Variants in RAI2 observed in about 807,000 individuals in gnomAD.
RAI2 encodes retinoic acid-induced protein 2.
Under a neutral mutation model 15.3 loss-of-function variants are expected in RAI2, and 5 were observed. The ratio of observed to expected loss-of-function variants is 0.33; its 90% confidence interval spans 0.17 to 0.69. RAI2 has a LOEUF of 0.69. RAI2 is among the 30% of genes least tolerant of loss of function. RAI2 has a pLI of 0.69. For missense variants in RAI2, 424 were observed against 424.7 expected (o/e 1.00, Z 0.01); for synonymous variants, 191 against 184.0 (o/e 1.04, Z -0.31).
intron 1 of RAI2, among the ~76,000 whole-genome samples, chrX:17,846,852 A>T (rs1208133611): frequency 8.9e-6 from 1 of 112,093 alleles, no homozygotes; most frequent in African/African-American, 3.2e-5. Context: ...CTCACCTTGA[A>T]TTGTAATAAT....
chrX:17,804,824 A>T (rs1407490132), intron 1 of RAI2, among the ~76,000 whole-genome samples: 1 of 112,497 alleles, frequency 8.9e-6, no homozygotes, highest in African/African-American at 3.2e-5. Context: ...CTTAGGTACC[A>T]GTTCTCATCA....
chrX:17,847,498 GA>G (rs1247023047), intron 1 of RAI2, among the ~76,000 whole-genome samples: 5 of 113,079 alleles, frequency 4.4e-5, no homozygotes, highest in Non-Finnish European at 7.5e-5. Flanking sequence ...TCATCACTCA[GA>G]ACTGGCCCTT....
At chrX:17,835,815 C>T (rs907202521) in intron 1 of RAI2, among the ~76,000 whole-genome samples, 9 of 112,115 alleles carry the variant, frequency 8.0e-5, no homozygotes, top group African/African-American at 2.9e-4. Context: ...AAAGATTCAT[C>T]CTGGAATTCT....
chrX:17,856,541 G>C (rs995424761), intron 1 of RAI2, among the ~76,000 whole-genome samples: 1 of 112,479 alleles, frequency 8.9e-6, no homozygotes, highest in Non-Finnish European at 1.9e-5. Context: ...CCAGAACGGT[G>C]AGAAATATGT....
At chrX:17,825,074 A>C (rs1319878644) in intron 1 of RAI2, among the ~76,000 whole-genome samples, 2 of 112,556 alleles carry the variant, frequency 1.8e-5, no homozygotes, top group Admixed American at 9.4e-5. Context: ...AGAAAATAGA[A>C]TCATCATTCC....
In RAI2 at chrX:17,802,002, G is replaced by A. The variant is rs144316880; in HGVS notation, c.9C>T (p.Asp3=). 3.1e-4 allele frequency: 369 copies of A among 1,194,955 alleles called. No individual in the cohort carries two copies. Among genetic ancestry groups the A allele is most frequent in the Non-Finnish European group, 3.9e-4 (341 of 885,143 alleles). ...CCATGGAGAGGTTCTGGGACTGCAG[G>A]TCGTCCATCACTCAGCTCTGATGCC... MD[D]LQSQNLSMDM... The change falls in exon 2 of 2, where the codon GAC becomes GAT. Residue 3 remains aspartate, a synonymous_variant. Coordinates refer to ENST00000451717, the MANE Select transcript of RAI2 (RefSeq NM_021785.6).
chrX:17,839,031 G>GTCA (rs939877106), intron 1 of RAI2, among the ~76,000 whole-genome samples: 29 of 111,893 alleles, frequency 2.6e-4, no homozygotes, highest in African/African-American at 2.9e-4. Context: ...CACAGCCACT[G>GTCA]TCATCATCAT....
rs750951033 is a variant in RAI2 at position 17,856,501 on chromosome X, C to T, written c.-25+4597G>A. ...AAGCCCTCACCAGACACTGAATCTGCCGGTATCTTGATCTTTGACTTCCCA... is the reference window on the plus strand; with the variant it reads ...AAGCCCTCACCAGACACTGAATCTGTCGGTATCTTGATCTTTGACTTCCCA... On this transcript the variant is annotated intron_variant, in intron 1 of 1. Coordinates refer to ENST00000451717, the MANE Select transcript of RAI2 (RefSeq NM_021785.6). Among the ~76,000 whole-genome samples the T allele has an allele frequency of 2.7e-5, 3 of 112,426 alleles. No homozygotes were observed. The South Asian group carries it at 1.1e-3, about 42-fold the overall frequency.
intron 1 of RAI2, among the ~76,000 whole-genome samples, chrX:17,845,119 T>C (rs916100439): frequency 3.6e-5 from 4 of 112,050 alleles, no homozygotes; most frequent in African/African-American, 1.3e-4. Context: ...CTACTCCTCA[T>C]ACAGTGGTAC....
chrX:17,841,813 A>G (rs1861792240), intron 1 of RAI2, among the ~76,000 whole-genome samples: 1 of 112,137 alleles, frequency 8.9e-6, no homozygotes, highest in African/African-American at 3.2e-5. Context: ...GAAGCACAAG[A>G]AACAGATTAT....
At chrX:17,835,409 A>C (rs1240878892) in intron 1 of RAI2, among the ~76,000 whole-genome samples, 3 of 112,060 alleles carry the variant, frequency 2.7e-5, no homozygotes, top group Admixed American at 9.4e-5. Flanking sequence ...AATCCTTCAA[A>C]ACCAAAACCA....
At chrX:17,827,673 A>G (rs2067242096) in intron 1 of RAI2, among the ~76,000 whole-genome samples, 1 of 112,321 alleles carries the variant, frequency 8.9e-6, no homozygotes, top group Admixed American at 9.4e-5. Context: ...CCAAGCTATC[A>G]AGAGTGTCTA....
chrX:17,812,263 T>G (rs1249200970), intron 1 of RAI2, among the ~76,000 whole-genome samples: 2 of 111,535 alleles, frequency 1.8e-5, no homozygotes, highest in Non-Finnish European at 3.8e-5. Flanking sequence ...ATGGCTTTAT[T>G]CATTCGCAAC....
At chrX:17,808,297 C>G (rs1427926593) in intron 1 of RAI2, among the ~76,000 whole-genome samples, 4 of 110,618 alleles carry the variant, frequency 3.6e-5, no homozygotes, top group African/African-American at 1.3e-4. Flanking sequence ...CCCAGACCCA[C>G]TGAATCAGAA....
In RAI2 at chrX:17,800,547, C is replaced by T. The variant is rs1414328646; in HGVS notation, c.1464G>A (p.Met488Ile). The T allele has an allele frequency of 5.8e-6, 7 of 1,211,062 alleles. No individual in the cohort carries two copies. Among genetic ancestry groups the T allele is most frequent in the Non-Finnish European group, 7.8e-6 (7 of 894,793 alleles). Residue 488 changes from methionine to isoleucine, a missense_variant, in exon 2 of 2, where the codon ATG becomes ATA. Coordinates refer to ENST00000451717, the MANE Select transcript of RAI2 (RefSeq NM_021785.6). ...YDINSQGEES[M>I]GNAEPLRKPI... Reference sequence around the variant, plus strand: ...GTTTCCTAAGGGGCTCTGCATTTCCCATGGACTCTTCCCCTTGGCTGTTGA... The same window carrying T: ...GTTTCCTAAGGGGCTCTGCATTTCCTATGGACTCTTCCCCTTGGCTGTTGA...
Position 17,800,965 on chromosome X carries a change from G to A in RAI2, c.1046C>T (p.Ala349Val), listed in dbSNP as rs1232285551. 8.3e-7 allele frequency: 1 copy of A among 1,210,933 alleles called. No individual in the cohort carries two copies. The change falls in exon 2 of 2, where the codon GCC becomes GTC. Residue 349 changes from alanine to valine, a missense_variant. By Grantham distance (64) the Ala-to-Val change is moderately conservative. Transcript: ENST00000451717. ...AGGGGGAGGCTCGGATTTCCGGTGG[G>A]CTGCCACTGACAGGTCTAGGGCTGC... ...EDAALDLSVA[A>V]HRKSEPPPET...
chrX:17,814,216 G>A (rs2067080845), intron 1 of RAI2, among the ~76,000 whole-genome samples: 2 of 107,500 alleles, frequency 1.9e-5, no homozygotes, highest in Non-Finnish European at 3.8e-5. Context: ...TCTCAACCGA[G>A]AGGCTAGGAA....
intron 1 of RAI2, among the ~76,000 whole-genome samples, chrX:17,855,146 C>T (rs1217570009): frequency 8.9e-6 from 1 of 111,891 alleles, no homozygotes; most frequent in Non-Finnish European, 1.9e-5. Context: ...ATTCTGTCTC[C>T]CTCGCAGAAA....
chrX:17,841,566 C>T (rs900184070), intron 1 of RAI2, among the ~76,000 whole-genome samples: 6 of 112,381 alleles, frequency 5.3e-5, no homozygotes, highest in Non-Finnish European at 3.8e-5. Context: ...TGTGTGTGGT[C>T]GAGATAGGGA....
Sources: gnomAD v4.1 joint callset for allele counts (sites outside exome capture counted in the v4.1 genomes callset) on GRCh38, gnomAD v4.1.1 for gene constraint, MANE v1.5 for transcripts, NCBI Gene and HGNC (gene_info 2026-07-23, HGNC 2026-07-21) for gene names.